PIK3C2G: variants seen among roughly 807,000 people sequenced by gnomAD.
PIK3C2G encodes phosphatidylinositol 3-kinase C2 domain-containing subunit gamma.
A neutral mutation model predicts 181.1 loss-of-function variants in PIK3C2G; 168 were observed. The observed-to-expected ratio is 0.93, with a 90% CI of 0.82 to 1.05. PIK3C2G has a LOEUF of 1.05. PIK3C2G is among the 50% of genes least tolerant of loss of function. The pLI, the probability that PIK3C2G is intolerant of heterozygous loss-of-function variation, is 0.00. For missense variants in PIK3C2G, 1,869 were observed against 1,732.8 expected, an observed-to-expected ratio of 1.08 and a Z score of -1.40; for synonymous variants, 573 against 592.2, an observed-to-expected ratio of 0.97 and a Z score of 0.47.
intron 19 of PIK3C2G, among the ~76,000 whole-genome samples, chr12:18,490,589 G>T (rs544435566): frequency 1.3e-5 from 2 of 152,062 alleles, no homozygotes; most frequent in Admixed American, 6.6e-5. Flanking sequence ...TAGTTCAATT[G>T]TTTTAAATTT....
intron 24 of PIK3C2G, among the ~76,000 whole-genome samples, chr12:18,526,515 C>T (rs1165696427): frequency 2.6e-5 from 4 of 152,126 alleles, no homozygotes; most frequent in Non-Finnish European, 4.4e-5. Flanking sequence ...AATGTCATCA[C>T]GTTTACTTTC....
chr12:18,543,920 C>T (rs1406726096), intron 25 of PIK3C2G, among the ~76,000 whole-genome samples: 1 of 151,854 alleles, frequency 6.6e-6, no homozygotes, highest in African/African-American at 2.4e-5. Context: ...AGTTCCTGTT[C>T]TCAAAGAACT....
chr12:18,718,025 T>C, the PIK3C2G span, among the ~76,000 whole-genome samples: 1 of 152,102 alleles, frequency 6.6e-6, no homozygotes, highest in Non-Finnish European at 1.5e-5. Context: ...CAAAACTCTA[T>C]GGTGTCCTGT....
chr12:18,514,874 G>A (rs1325597277), intron 24 of PIK3C2G, among the ~76,000 whole-genome samples: 1 of 151,960 alleles, frequency 6.6e-6, no homozygotes, highest in East Asian at 1.9e-4. Flanking sequence ...GATGTTAGCT[G>A]TGGGTTTGTC....
At chr12:18,502,589 G>T (rs7314521) in intron 22 of PIK3C2G, among the ~76,000 whole-genome samples, 2 of 152,114 alleles carry the variant, frequency 1.3e-5, no homozygotes, top group Non-Finnish European at 2.9e-5. Flanking sequence ...AAATCAGAAG[G>T]TTTGCAAATA....
At chr12:18,457,750 T>C (rs1947707055) in intron 18 of PIK3C2G, among the ~76,000 whole-genome samples, 1 of 152,168 alleles carries the variant, frequency 6.6e-6, no homozygotes, top group Admixed American at 6.5e-5. Flanking sequence ...GTGATAGCCA[T>C]AGTAGAGTAA....
chr12:18,721,061 C>T, the PIK3C2G span, among the ~76,000 whole-genome samples: 2 of 152,106 alleles, frequency 1.3e-5, no homozygotes, highest in South Asian at 4.1e-4. Context: ...GTGTATGGAG[C>T]AAATGAATCA....
chr12:18,553,908 C>G (rs1944864719), intron 26 of PIK3C2G, among the ~76,000 whole-genome samples: 1 of 152,006 alleles, frequency 6.6e-6, no homozygotes, highest in Admixed American at 6.6e-5. Context: ...TTGCTTAATA[C>G]TATTTAATTT....
intron 26 of PIK3C2G, among the ~76,000 whole-genome samples, chr12:18,550,036 C>T (rs1944642521): frequency 6.6e-6 from 1 of 151,922 alleles, no homozygotes; most frequent in Non-Finnish European, 1.5e-5. Context: ...AATTACATAC[C>T]TTTATTTTTA....
chr12:18,410,239 C>T (rs985963375), intron 16 of PIK3C2G, among the ~76,000 whole-genome samples: 1 of 152,162 alleles, frequency 6.6e-6, no homozygotes, highest in Non-Finnish European at 1.5e-5. Context: ...GTGGCTCACG[C>T]CTATAATCCC....
At chr12:18,383,987 AT>A (rs71440366) in intron 14 of PIK3C2G, among the ~76,000 whole-genome samples, 4,935 of 136,948 alleles carry the variant, frequency 0.036, 105 homozygotes, top group African/African-American at 0.068. Flanking sequence ...TATTATTATT[AT>A]TTTTTTTTTT....
chr12:18,561,835 T>A (rs1268167287), intron 26 of PIK3C2G, among the ~76,000 whole-genome samples: 1 of 151,852 alleles, frequency 6.6e-6, no homozygotes, highest in Non-Finnish European at 1.5e-5. Context: ...AAATATTTAA[T>A]ATAAAATACG....
intron 8 of PIK3C2G, among the ~76,000 whole-genome samples, chr12:18,326,242 A>C (rs1015074048): frequency 6.6e-6 from 1 of 152,134 alleles, no homozygotes; most frequent in African/African-American, 2.4e-5. Flanking sequence ...TTGGGCACTG[A>C]AGTTGTGATC....
downstream of PIK3C2G, among the ~76,000 whole-genome samples, chr12:18,650,694 G>GTA (rs1950427854): frequency 2.6e-5 from 1 of 38,864 alleles, no homozygotes; most frequent in South Asian, 1.1e-3. Flanking sequence ...GTGTGTGTGT[G>GTA]TGTGTGTGTG....
At chr12:18,604,558 T>C (rs1160257236) in intron 30 of PIK3C2G, among the ~76,000 whole-genome samples, 3 of 152,074 alleles carry the variant, frequency 2.0e-5, no homozygotes, top group Admixed American at 2.0e-4. Flanking sequence ...AACAGATATA[T>C]CTAGAACATT....
chr12:18,645,366 A>G (rs1432447759), intron 32 of PIK3C2G, among the ~76,000 whole-genome samples: 3 of 152,204 alleles, frequency 2.0e-5, no homozygotes, highest in Admixed American at 2.0e-4. Flanking sequence ...ATGTGCAATG[A>G]TTACAGGTTT....
At chr12:18,621,000 T>C (rs894597717) in intron 31 of PIK3C2G, among the ~76,000 whole-genome samples, 2 of 152,098 alleles carry the variant, frequency 1.3e-5, no homozygotes, top group African/African-American at 4.8e-5. Flanking sequence ...TAAGTTCTTC[T>C]TTTTCAATCT....
At chr12:18,398,365 T>C (rs1222553337) in intron 15 of PIK3C2G, among the ~76,000 whole-genome samples, 11 of 152,042 alleles carry the variant, frequency 7.2e-5, no homozygotes, top group Admixed American at 7.2e-4. Context: ...GAGGAAAAGG[T>C]GGTAGCAAAA....
chr12:18,639,313 T>A (rs1288256659), intron 31 of PIK3C2G, among the ~76,000 whole-genome samples: 1 of 152,136 alleles, frequency 6.6e-6, no homozygotes, highest in Non-Finnish European at 1.5e-5. Context: ...AAGAAAGATG[T>A]GAAATTAAAG....
Sources: gnomAD v4.1 joint callset for allele counts (sites outside exome capture counted in the v4.1 genomes callset) on GRCh38, gnomAD v4.1.1 for gene constraint, MANE v1.5 for transcripts, NCBI Gene and HGNC (gene_info 2026-07-23, HGNC 2026-07-21) for gene names.